SNX25: variants seen among roughly 807,000 people sequenced by gnomAD.
The protein encoded by SNX25 is sorting nexin-25.
SNX25 carries 62 observed loss-of-function variants against 113.7 expected under a neutral mutation model. That is an observed-to-expected ratio of 0.55 (90% CI 0.44 to 0.67). The LOEUF (loss-of-function observed/expected upper bound fraction) is 0.67. Ranked by LOEUF, SNX25 falls within the 30% of genes least tolerant of loss-of-function variation. The probability of loss-of-function intolerance (pLI) is 0.00; values close to 1 mark genes in which losing one functional copy is unlikely to be tolerated. For missense variants in SNX25, 1,014 were observed against 1,161.0 expected (o/e 0.87, Z 1.84); for synonymous variants, 421 against 436.2 (o/e 0.97, Z 0.43).
intron 1 of SNX25, among the ~76,000 whole-genome samples, chr4:185,212,487 G>GT (rs1215567957): frequency 7.9e-5 from 4 of 50,454 alleles, no homozygotes; most frequent in South Asian, 6.9e-4. Flanking sequence ...GTGTGTGTGT[G>GT]TGTGTTTTTT....
chr4:185,231,539 G>A (rs1020132904), intron 1 of SNX25, among the ~76,000 whole-genome samples: 17 of 151,614 alleles, frequency 1.1e-4, no homozygotes, highest in Non-Finnish European at 1.8e-4. Flanking sequence ...GCGAAACCCC[G>A]TCTCTACTAA....
intron 5 of SNX25, among the ~76,000 whole-genome samples, chr4:185,270,832 T>C (rs1748821378): frequency 6.6e-6 from 1 of 152,224 alleles, no homozygotes; most frequent in Non-Finnish European, 1.5e-5. Context: ...CCAAGGTTCA[T>C]TTGCATTGTA....
chr4:185,377,349 T>A, the SNX25 span: 1 of 218,792 alleles, frequency 4.6e-6, no homozygotes, highest in African/African-American at 2.2e-5. Flanking sequence ...AGAAACCCCG[T>A]CTCTACTAAA....
At chr4:185,245,397 G>A (rs12651620) in intron 1 of SNX25, among the ~76,000 whole-genome samples, 50,684 of 151,208 alleles carry the variant, frequency 0.34, 10,240 homozygotes, top group East Asian at 0.54. Flanking sequence ...GAGTGCAGTG[G>A]CGAGATCTCA....
upstream of SNX25, among the ~76,000 whole-genome samples, chr4:185,207,188 C>T (rs1280625473): frequency 6.7e-6 from 1 of 148,270 alleles, no homozygotes; most frequent in Non-Finnish European, 1.5e-5. Context: ...GTCAAATTGA[C>T]ACCTAAATTT....
At chr4:185,330,023 T>A (rs1355581010) in intron 9 of SNX25, among the ~76,000 whole-genome samples, 1 of 151,676 alleles carries the variant, frequency 6.6e-6, no homozygotes, top group Admixed American at 6.6e-5. Context: ...AATGTAAGAG[T>A]TAATGAAAGG....
intron 1 of SNX25, among the ~76,000 whole-genome samples, chr4:185,241,415 T>C (rs60409815): frequency 0.27 from 34,007 of 125,458 alleles, 6,123 homozygotes; most frequent in East Asian, 0.48. Context: ...TGCAGTGAGC[T>C]GAGATGGCAG....
the SNX25 span, chr4:185,378,482 A>G: frequency 4.4e-6 from 5 of 1,148,996 alleles, no homozygotes; most frequent in Middle Eastern, 3.8e-4. Context: ...ATGGGTTTAT[A>G]CATCAAGATG....
rs2126720347 is a variant in SNX25, at chr4:185,339,525, T to C, written c.2046+15T>C. The C allele has an allele frequency of 6.3e-7, 1 of 1,594,394 alleles. No homozygotes were observed. Among genetic ancestry groups the C allele is most frequent in the Middle Eastern group, 1.7e-4 (1 of 5,960 alleles). ...CCAGTGGAGAGGTAGTTTTGACTGC[T>C]TTTCCTCTTAATTTATTTTAAAAGT... On this transcript the variant is annotated intron_variant, in intron 11 of 18. Transcript: ENST00000652585.
intron 5 of SNX25, among the ~76,000 whole-genome samples, chr4:185,274,716 T>C (rs1160188312): frequency 6.6e-6 from 1 of 152,254 alleles, no homozygotes; most frequent in Admixed American, 6.5e-5. Context: ...TACCATGTGC[T>C]GAATATCTAT....
At chr4:185,372,888 T>A (rs1476198441), downstream of SNX25, 1 of 1,608,988 alleles carries the variant, frequency 6.2e-7, no homozygotes, top group South Asian at 1.1e-5. Context: ...TTGTAAAAAA[T>A]TTCATCTTAT....
chr4:185,375,862 C>T, the SNX25 span: 1 of 489,708 alleles, frequency 2.0e-6, no homozygotes, highest in Non-Finnish European at 3.7e-6. Flanking sequence ...GAACCCATGC[C>T]CCACGCTGAG....
intron 1 of SNX25, among the ~76,000 whole-genome samples, chr4:185,238,712 G>C (rs1320143048): frequency 6.6e-6 from 1 of 152,128 alleles, no homozygotes; most frequent in Non-Finnish European, 1.5e-5. Flanking sequence ...TAGCTTTATA[G>C]GATATTACAC....
intron 2 of SNX25, among the ~76,000 whole-genome samples, chr4:185,258,620 A>T (rs926059895): frequency 1.3e-5 from 2 of 152,202 alleles, no homozygotes; most frequent in African/African-American, 4.8e-5. Flanking sequence ...ATTTTAAAAT[A>T]GGGCTCTGTA....
chr4:185,299,770 A>G (rs1054762183), intron 6 of SNX25, among the ~76,000 whole-genome samples: 1 of 152,218 alleles, frequency 6.6e-6, no homozygotes, highest in Non-Finnish European at 1.5e-5. Flanking sequence ...GAATGAGCCC[A>G]GCATATCTCC....
chr4:185,276,759 C>A (rs890047273), intron 5 of SNX25, among the ~76,000 whole-genome samples: 1 of 152,200 alleles, frequency 6.6e-6, no homozygotes, highest in African/African-American at 2.4e-5. Context: ...CCTCCTTGAC[C>A]ATGCTTTCCC....
At chr4:185,218,741 T>TC (rs1285016179) in intron 1 of SNX25, among the ~76,000 whole-genome samples, 1 of 152,240 alleles carries the variant, frequency 6.6e-6, no homozygotes, top group African/African-American at 2.4e-5. Flanking sequence ...TAGGATCTAT[T>TC]CAATAGACTT....
At chr4:185,339,168 T>C (rs1018055129) in intron 10 of SNX25, among the ~76,000 whole-genome samples, 1 of 152,204 alleles carries the variant, frequency 6.6e-6, no homozygotes, top group African/African-American at 2.4e-5. Flanking sequence ...CATTGTAGAA[T>C]TATTTCGCTT....
intron 1 of SNX25, among the ~76,000 whole-genome samples, chr4:185,214,905 G>C (rs566169507): frequency 5.1e-4 from 77 of 152,264 alleles, no homozygotes; most frequent in African/African-American, 1.7e-3. Context: ...TCCTAGAGAA[G>C]GGTCAGAGCT....
Sources: gnomAD v4.1 joint callset for allele counts (sites outside exome capture counted in the v4.1 genomes callset) on GRCh38, gnomAD v4.1.1 for gene constraint, MANE v1.5 for transcripts, NCBI Gene and HGNC (gene_info 2026-07-23, HGNC 2026-07-21) for gene names.